The following CDK5RAP2 variants were observed in gnomAD, a reference collection of about 807,000 sequenced individuals.
CDK5RAP2 encodes the protein CDK5 regulatory subunit associated protein 2, also known as CDK5 regulatory subunit-associated protein 2.
A neutral mutation model predicts 232.9 loss-of-function variants in CDK5RAP2; 147 were observed. The ratio of observed to expected loss-of-function variants is 0.63; its 90% CI spans 0.55 to 0.72. The LOEUF (loss-of-function observed/expected upper bound fraction) is 0.72, where lower values mean the gene tolerates loss of function less well. Among genes scored for constraint, CDK5RAP2 ranks in the 30% least tolerant of loss-of-function variants. CDK5RAP2 has a pLI of 0.00. For missense variants in CDK5RAP2, 2,195 were observed against 2,231.5 expected (o/e 0.98, Z 0.33); for synonymous variants, 833 against 833.7 (o/e 1.00, Z 0.01).
intron 35 of CDK5RAP2, among the ~76,000 whole-genome samples, chr9:120,399,655 C>G (rs1418330326): frequency 2.6e-5 from 4 of 152,160 alleles, no homozygotes; most frequent in Non-Finnish European, 4.4e-5. Flanking sequence ...TGGAACAGGA[C>G]CTGGTGGATT....
chr9:120,412,985 G>A (rs2033944750), intron 28 of CDK5RAP2, among the ~76,000 whole-genome samples: 1 of 152,176 alleles, frequency 6.6e-6, no homozygotes, highest in African/African-American at 2.4e-5. Context: ...ATAGCTGCAT[G>A]ACCTCAGGCA....
rs145133578 is a variant in CDK5RAP2 at position 120,513,184 on chromosome 9, TC to T, written c.1311+5242del. On this transcript the variant is annotated intron_variant, in intron 12 of 37. Coordinates refer to ENST00000349780, the MANE Select transcript of CDK5RAP2 (RefSeq NM_018249.6). ...CAGAGAAACAGGTTCCTTTTCTTTTTCCCCTATAACCCTGACCTCTCAGAGC... is the reference window on the plus strand; with the variant it reads ...CAGAGAAACAGGTTCCTTTTCTTTTTCCCTATAACCCTGACCTCTCAGAGC... Among the ~76,000 whole-genome samples the T allele has an allele frequency of 7.4e-3, 1,127 of 152,228 alleles. 14 individuals carry two copies. Among genetic ancestry groups the T allele is most frequent in the African/African-American group, 0.025 (1,042 of 41,520 alleles).
chr9:120,405,155 G>A (rs747478005), intron 32 of CDK5RAP2, among the ~76,000 whole-genome samples: 1 of 152,208 alleles, frequency 6.6e-6, no homozygotes, highest in Non-Finnish European at 1.5e-5. Flanking sequence ...CAGCTCCATA[G>A]AGCTGGCCCC....
intron 13 of CDK5RAP2, 33 bp from the exon 14 acceptor site, chr9:120,487,470 T>A: frequency 1.3e-6 from 2 of 1,522,578 alleles, no homozygotes; most frequent in Admixed American, 4.1e-5. Flanking sequence ...AAGGAAATTG[T>A]CATCAAGAAA....
rs142193649 is a variant in CDK5RAP2, at chr9:120,555,260, C to T, written c.196-4358G>A. On this transcript the variant is annotated intron_variant, in intron 3 of 37. Transcript: ENST00000349780. ...GATTCTCTTGCTTCAGCCTCCTGAG[C>T]AGCTGGGATTACAGGCACGCACTAC... Among the ~76,000 whole-genome samples the T allele has an allele frequency of 8.7e-3, 1,327 of 152,012 alleles. 20 individuals are homozygous for T. Among genetic ancestry groups the T allele is most frequent in the African/African-American group, 0.03 (1,239 of 41,494 alleles).
chr9:120,465,053 A>G (rs1017254523), intron 18 of CDK5RAP2, among the ~76,000 whole-genome samples: 1 of 152,238 alleles, frequency 6.6e-6, no homozygotes, highest in East Asian at 1.9e-4. Flanking sequence ...CAATTAAACT[A>G]TGCCCCTTTG....
chr9:120,431,879 ACAC>A (rs1318952881), intron 25 of CDK5RAP2, among the ~76,000 whole-genome samples: 1 of 152,218 alleles, frequency 6.6e-6, no homozygotes, highest in Non-Finnish European at 1.5e-5. Context: ...TCTGGCTGCA[ACAC>A]CAGTTCCTGA....
chr9:120,546,986 C>T (rs868173036), intron 4 of CDK5RAP2, among the ~76,000 whole-genome samples: 3 of 36,054 alleles, frequency 8.3e-5, no homozygotes, highest in Non-Finnish European at 4.2e-4. Context: ...TTTGTTTTTT[C>T]GTTTTTTTTG....
At chr9:120,509,066 T>G (rs2039958720) in intron 12 of CDK5RAP2, among the ~76,000 whole-genome samples, 1 of 152,144 alleles carries the variant, frequency 6.6e-6, no homozygotes, top group Non-Finnish European at 1.5e-5. Context: ...TAAAACAGCT[T>G]TAACAGCAGC....
rs149594035 is a variant in CDK5RAP2 at position 120,554,605 on chromosome 9, G to A, written c.196-3703C>T. ...AGAGAAGAAAATAAATGAATTTGAC[G>A]ATTTCAAAATGTGAAACTTTTTGTT... On this transcript the variant is annotated intron_variant, in intron 3 of 37. Coordinates refer to ENST00000349780, the MANE Select transcript of CDK5RAP2 (RefSeq NM_018249.6). 3.5e-3 allele frequency among the ~76,000 whole-genome samples: 538 copies of A among 152,198 alleles called. 3 individuals are homozygous for A. The highest frequency in any genetic ancestry group is 0.012 in the African/African-American group (499 of 41,522).
At chr9:120,454,959 A>G (rs1318220603) in intron 20 of CDK5RAP2, among the ~76,000 whole-genome samples, 1 of 152,122 alleles carries the variant, frequency 6.6e-6, no homozygotes, top group Non-Finnish European at 1.5e-5. Context: ...ACTCTAATCC[A>G]TATCTCAGGC....
chr9:120,536,963 A>G (rs1337453486), intron 6 of CDK5RAP2, among the ~76,000 whole-genome samples: 1 of 148,252 alleles, frequency 6.7e-6, no homozygotes, highest in Non-Finnish European at 1.5e-5. Context: ...TGTATCTCCA[A>G]GGTGATTCAG....
chr9:120,389,909 G>T, intron 36 of CDK5RAP2, 122 bp from the exon 37 acceptor site: 1 of 851,926 alleles, frequency 1.2e-6, no homozygotes, highest in Non-Finnish European at 2.0e-6. Context: ...ACAACACGAG[G>T]TCTGAAGCAT....
chr9:120,480,461 C>T lies in CDK5RAP2; in HGVS notation c.1627-3011G>A, dbSNP rs1282016262. Among the ~76,000 whole-genome samples, 3 of 152,166 alleles carry T rather than the reference C, an allele frequency of 2.0e-5. No individual in the cohort carries two copies. In the East Asian group the frequency reaches 5.8e-4, roughly 29 times the overall value. On this transcript the variant is annotated intron_variant, in intron 14 of 37. Transcript: ENST00000349780. ...AGAAATAGTTATTTTGTATATGTTG[C>T]AGATATCTCAAAATATTCATTCTTA...
intron 3 of CDK5RAP2, among the ~76,000 whole-genome samples, chr9:120,561,088 A>G (rs561501255): frequency 6.6e-6 from 1 of 152,188 alleles, no homozygotes; most frequent in Non-Finnish European, 1.5e-5. Context: ...TTCACCTAGC[A>G]TAACAAAAAC....
intron 20 of CDK5RAP2, among the ~76,000 whole-genome samples, chr9:120,457,120 G>A (rs2131429796): frequency 6.6e-6 from 1 of 152,304 alleles, no homozygotes; most frequent in South Asian, 2.1e-4. Context: ...GACTGTGAGA[G>A]GGGGATTTTT....
chr9:120,540,503 C>A (rs971043249), intron 5 of CDK5RAP2, among the ~76,000 whole-genome samples: 11 of 152,176 alleles, frequency 7.2e-5, no homozygotes, highest in African/African-American at 2.4e-4. Flanking sequence ...CATGAGTCGC[C>A]TGAAAATAAA....
chr9:120,400,460 C>T (rs963377494), intron 35 of CDK5RAP2, among the ~76,000 whole-genome samples: 3 of 152,148 alleles, frequency 2.0e-5, no homozygotes, highest in Non-Finnish European at 4.4e-5. Context: ...AAGTTCTAAC[C>T]TTGACTAAGT....
In CDK5RAP2 at chr9:120,492,712, A is replaced by G. The variant is rs76040865; in HGVS notation, c.1312-1235T>C. Among the ~76,000 whole-genome samples, 291 of 152,336 alleles carry G rather than the reference A, an allele frequency of 1.9e-3. 3 individuals carry two copies. The East Asian group carries it at 0.03, about 16-fold the overall frequency. The stretch of plus-strand genomic sequence containing the variant: ...ACAAAAGAGGTTGTAAAAAAATCTT[A>G]AACTGTTTTTAGTAATCATGTTATA... On this transcript the variant is annotated intron_variant, in intron 12 of 37. Coordinates refer to ENST00000349780, the MANE Select transcript of CDK5RAP2 (RefSeq NM_018249.6).
Sources: allele counts gnomAD v4.1 joint callset (sites outside exome capture counted in the v4.1 genomes callset), GRCh38; gene constraint gnomAD v4.1.1; transcripts MANE v1.5; gene names NCBI Gene and HGNC (gene_info 2026-07-23, HGNC 2026-07-21).